Variants in BTBD16 observed in about 807,000 individuals in gnomAD.
BTBD16 encodes the protein BTB/POZ domain-containing protein 16.
BTBD16 carries 66 observed loss-of-function variants against 67.4 expected under a neutral mutation model. That is an observed-to-expected ratio of 0.98 (90% confidence interval 0.80 to 1.20). The LOEUF (loss-of-function observed/expected upper bound fraction) is 1.20. Among genes scored for constraint, BTBD16 ranks in the 50% most tolerant of loss-of-function variants. The pLI is 0.00. For missense variants in BTBD16, 634 were observed against 616.0 expected (o/e 1.03, Z -0.31); for synonymous variants, 242 against 236.4 (o/e 1.02, Z -0.22).
intron 14 of BTBD16, among the ~76,000 whole-genome samples, chr10:122,335,493 C>T (rs10749463): frequency 0.37 from 55,636 of 152,068 alleles, 10,639 homozygotes; most frequent in East Asian, 0.69. Context: ...GTGGAGAGTC[C>T]GCAGGTGAAC....
intron 10 of BTBD16, among the ~76,000 whole-genome samples, chr10:122,310,696 T>A (rs2096412246): frequency 6.6e-6 from 1 of 152,158 alleles, no homozygotes; most frequent in Non-Finnish European, 1.5e-5. Flanking sequence ...GGCCCAATTT[T>A]AAAAATTGCA....
At chr10:122,276,972 G>A in intron 3 of BTBD16, 33 bp downstream of exon 3, 1 of 1,601,682 alleles carries the variant, frequency 6.2e-7, no homozygotes, top group Middle Eastern at 1.8e-4. Context: ...GGGAGGGAAT[G>A]GCCCATTATT....
At chr10:122,316,156 A>G (rs899111027) in intron 10 of BTBD16, among the ~76,000 whole-genome samples, 3 of 152,156 alleles carry the variant, frequency 2.0e-5, no homozygotes, top group African/African-American at 7.2e-5. Flanking sequence ...AATTCCAGCT[A>G]CTTGGGAGGC....
intron 3 of BTBD16, among the ~76,000 whole-genome samples, chr10:122,281,230 A>T (rs545631836): frequency 1.3e-5 from 2 of 152,308 alleles, no homozygotes; most frequent in African/African-American, 4.8e-5. Flanking sequence ...ATGTCCTCGC[A>T]GTACTTTTTT....
chr10:122,309,912 C>T (rs910012237), intron 10 of BTBD16, among the ~76,000 whole-genome samples: 1 of 151,908 alleles, frequency 6.6e-6, no homozygotes, highest in Non-Finnish European at 1.5e-5. Context: ...GCTGGGACTA[C>T]AGGCACGTGC....
chr10:122,331,535 T>G (rs1007199300), intron 12 of BTBD16, among the ~76,000 whole-genome samples: 7 of 152,200 alleles, frequency 4.6e-5, no homozygotes, highest in African/African-American at 1.4e-4. Context: ...CTTCCTCCAG[T>G]AATAAATGAG....
intron 10 of BTBD16, among the ~76,000 whole-genome samples, chr10:122,321,763 T>C (rs987396068): frequency 5.3e-5 from 8 of 152,164 alleles, no homozygotes; most frequent in Admixed American, 1.3e-4. Context: ...TATACCTTTG[T>C]TGGATGCATA....
intron 10 of BTBD16, among the ~76,000 whole-genome samples, chr10:122,328,424 T>C (rs1466913380): frequency 6.6e-6 from 1 of 152,246 alleles, no homozygotes; most frequent in Non-Finnish European, 1.5e-5. Flanking sequence ...CCTACAACTT[T>C]TCTGCACCTC....
intron 3 of BTBD16, among the ~76,000 whole-genome samples, chr10:122,278,557 G>A (rs7078071): frequency 0.083 from 12,682 of 152,152 alleles, 766 homozygotes; most frequent in African/African-American, 0.17. Context: ...AATTAATCCC[G>A]GTGATTTCAT....
At chr10:122,315,551 T>A (rs916373744) in intron 10 of BTBD16, among the ~76,000 whole-genome samples, 1 of 152,230 alleles carries the variant, frequency 6.6e-6, no homozygotes, top group African/African-American at 2.4e-5. Flanking sequence ...GTCCCTCTTT[T>A]TCCATTTTCT....
In BTBD16 at chr10:122,282,732, A is replaced by C. The variant is rs80296444; in HGVS notation, c.168-1119A>C. Among the ~76,000 whole-genome samples the C allele has an allele frequency of 3.3e-3, 496 of 152,390 alleles. 1 individual carries two copies. The highest frequency in any genetic ancestry group is 0.011 in the African/African-American group (474 of 41,600). ...TGATGGCTTGTGCCAGGGTCATAGC[A>C]GTAAACACATGCCGTATCTGTCTTG... On this transcript the variant is annotated intron_variant, in intron 3 of 15. Transcript: ENST00000260723.
intron 9 of BTBD16, 28 bp from the exon 10 acceptor site, chr10:122,307,161 T>G (rs2096405024): frequency 6.4e-7 from 1 of 1,569,840 alleles, no homozygotes; most frequent in Non-Finnish European, 8.6e-7. Flanking sequence ...TTTCTGAAAT[T>G]TCTTCTCAAT....
intron 3 of BTBD16, 56 bp from the exon 4 acceptor site, chr10:122,283,795 T>C: frequency 7.5e-7 from 1 of 1,333,096 alleles, no homozygotes. Context: ...CATGTTGTAG[T>C]TGGAGAAAAA....
At chr10:122,271,705 CCA>C (rs1484837193) in intron 1 of BTBD16, among the ~76,000 whole-genome samples, 191 bp downstream of exon 1, 2 of 152,104 alleles carry the variant, frequency 1.3e-5, no homozygotes, top group Non-Finnish European at 2.9e-5. Flanking sequence ...TCCTGCCCGC[CCA>C]CAGGGACCTT....
At position 122,336,579 on chromosome 10, in the gene BTBD16, A is replaced by T. The variant is rs755538728; in HGVS notation, c.1349A>T (p.Tyr450Phe). 3 of 1,613,356 alleles carry T rather than the reference A, an allele frequency of 1.9e-6. No homozygotes were observed. In the East Asian group the frequency reaches 6.7e-5, roughly 36 times the overall value. The change falls in exon 15 of 16, where the codon TAT (tyrosine) becomes TTT (phenylalanine). Residue 450 changes from tyrosine (Y) to phenylalanine (F), a missense_variant. Tyr to Phe is a conservative substitution (Grantham distance 22). Transcript: ENST00000260723. ...VSLRAARLVK[Y>F]EIRAEALVDG... Reference sequence around the variant, plus strand: ...CTGCGAGCGGCACGCCTGGTGAAGTATGAGATCAGAGCAGAGGCCCTGGTT... The same window carrying T: ...CTGCGAGCGGCACGCCTGGTGAAGTTTGAGATCAGAGCAGAGGCCCTGGTT...
intron 10 of BTBD16, among the ~76,000 whole-genome samples, chr10:122,312,164 TTC>T (rs2096414845): frequency 6.6e-6 from 1 of 152,142 alleles, no homozygotes; most frequent in African/African-American, 2.4e-5. Context: ...TATGGATGAG[TTC>T]AACTTTAGTA....
chr10:122,320,928 A>G (rs576484674), intron 10 of BTBD16, among the ~76,000 whole-genome samples: 7 of 152,162 alleles, frequency 4.6e-5, no homozygotes, highest in Non-Finnish European at 1.0e-4. Flanking sequence ...CATGATGCTC[A>G]GGTGCGGTAC....
At chr10:122,298,885 A>G (rs938140967) in intron 8 of BTBD16, 119 bp from the exon 9 acceptor site, 23 of 1,303,944 alleles carry the variant, frequency 1.8e-5, no homozygotes, top group Non-Finnish European at 2.3e-5. Flanking sequence ...TTTGTAGAAA[A>G]GGTTTGAGCG....
chr10:122,328,986 G>A (rs1427720485), intron 10 of BTBD16, among the ~76,000 whole-genome samples: 1 of 152,092 alleles, frequency 6.6e-6, no homozygotes, highest in South Asian at 2.1e-4. Context: ...CTTTTGCAGC[G>A]CCTAATTTGG....
Sources: gnomAD v4.1 joint callset for allele counts (sites outside exome capture counted in the v4.1 genomes callset) on GRCh38, gnomAD v4.1.1 for gene constraint, MANE v1.5 for transcripts, NCBI Gene and HGNC (gene_info 2026-07-23, HGNC 2026-07-21) for gene names.